The following RASGRF1 variants were observed in gnomAD, a reference collection of about 807,000 sequenced individuals.
RASGRF1 encodes the protein Ras protein specific guanine nucleotide releasing factor 1.
In RASGRF1, 40 loss-of-function variants were observed where a neutral mutation model predicts 138.7. The ratio of observed to expected loss-of-function variants is 0.29; its 90% CI spans 0.22 to 0.38. The LOEUF is 0.38. RASGRF1 is among the 10% of genes least tolerant of loss of function. RASGRF1 has a pLI of 1.00. For synonymous variants in RASGRF1, 614 were observed against 663.2 expected, an observed-to-expected ratio of 0.93 and a Z score of 1.14; for missense variants, 1,108 against 1,650.4, an observed-to-expected ratio of 0.67 and a Z score of 5.69.
At position 79,032,198 on chromosome 15, in the gene RASGRF1, C is replaced by G. The variant is rs753571943; in HGVS notation, c.1077G>C (p.Leu359=). The stretch of plus-strand genomic sequence containing the variant: ...CAGGCTTGGCCTCGTAGTGCTTCAG[C>G]AGCTTGTCGAAGTCACGGTTCTGCT... ...HCKQNRDFDK[L]LKHYEAKPDC... The change falls in exon 7 of 27, where the codon CTG becomes CTC. Residue 359 remains leucine, a synonymous_variant. Transcript: ENST00000558480. The surrounding 1 kb of genome is among the most constrained non-coding windows in gnomAD (Gnocchi z 4.5). The G allele has an allele frequency of 3.1e-6, 5 of 1,613,992 alleles. No individual in the cohort carries two copies. The East Asian group carries it at 6.7e-5, about 22-fold the overall frequency.
rs2056435755 is a variant in RASGRF1 at position 78,998,116 on chromosome 15, C to T, written c.2946G>A (p.Lys982=). The change falls in exon 19 of 27, where the codon AAG becomes AAA. Residue 982 remains lysine, a synonymous_variant. Transcript: ENST00000558480. The stretch of plus-strand genomic sequence containing the variant: ...TTTACCTGATGATGTTGGCTGCAGC[C>T]TTCCGCTCCTGGGTCAGGAGCTCCG... ...HDPELLTQER[K]AAANIIRTLT... The T allele has an allele frequency of 6.2e-7, 1 of 1,614,144 alleles. No individual in the cohort carries two copies.
chr15:79,059,250 TATC>T (rs2057556247), intron 2 of RASGRF1, among the ~76,000 whole-genome samples: 1 of 80,786 alleles, frequency 1.2e-5, no homozygotes, highest in African/African-American at 6.2e-5. Context: ...TTCCCTTCCC[TATC>T]CTTCCCTTCC....
intron 5 of RASGRF1, among the ~76,000 whole-genome samples, chr15:79,045,750 C>G (rs2057347685): frequency 1.3e-5 from 2 of 152,186 alleles, no homozygotes; most frequent in Admixed American, 6.5e-5. Context: ...ACAGTCCCCT[C>G]AAACTCAGCA....
At chr15:78,978,220 G>GTTTTTTTTTT (rs71148584) in intron 24 of RASGRF1, among the ~76,000 whole-genome samples, 8 of 125,116 alleles carry the variant, frequency 6.4e-5, no homozygotes, top group African/African-American at 3.2e-4. Flanking sequence ...CTTTTCTTTT[G>GTTTTTTTTTT]TTTTTTTTTT....
chr15:79,003,402 C>T (rs2056584079), intron 15 of RASGRF1, among the ~76,000 whole-genome samples: 1 of 152,218 alleles, frequency 6.6e-6, no homozygotes, highest in Non-Finnish European at 1.5e-5. Context: ...TCCCAGGGGG[C>T]AGGAGCTGCT....
intron 3 of RASGRF1, among the ~76,000 whole-genome samples, chr15:79,049,864 C>T (rs1401013915): frequency 6.6e-6 from 1 of 152,168 alleles, no homozygotes; most frequent in Non-Finnish European, 1.5e-5. Flanking sequence ...TTGGACGAAG[C>T]CCTTCTGCTC....
intron 26 of RASGRF1, among the ~76,000 whole-genome samples, chr15:78,966,786 A>G (rs2055653124): frequency 6.6e-6 from 1 of 152,136 alleles, no homozygotes; most frequent in Admixed American, 6.6e-5. Flanking sequence ...AGCAGCCATT[A>G]GCCACGTGTA....
intron 13 of RASGRF1, among the ~76,000 whole-genome samples, chr15:79,013,353 T>A (rs1206682734): frequency 6.6e-6 from 1 of 152,210 alleles, no homozygotes; most frequent in Non-Finnish European, 1.5e-5. Context: ...GAATAATTCC[T>A]TATCAACTTG....
chr15:79,012,197 C>T (rs146725314), intron 13 of RASGRF1, among the ~76,000 whole-genome samples: 130 of 152,096 alleles, frequency 8.5e-4, no homozygotes, highest in Middle Eastern at 3.4e-3. Flanking sequence ...CCCCAAACAC[C>T]GTGCACTTTT....
chr15:79,064,263 A>G (rs1212733431), intron 2 of RASGRF1, among the ~76,000 whole-genome samples, 157 bp downstream of exon 2: 4 of 152,194 alleles, frequency 2.6e-5, no homozygotes, highest in Non-Finnish European at 4.4e-5. Context: ...CCAGAGGTGC[A>G]GGATGTAAGG....
Position 78,999,911 on chromosome 15 carries a change from A to G in RASGRF1, c.2578T>C (p.Phe860Leu), listed in dbSNP as rs1185397207. The G allele has an allele frequency of 6.2e-7, 1 of 1,613,762 alleles. No homozygotes were observed. The highest frequency in any genetic ancestry group is 1.7e-4 in the Middle Eastern group (1 of 6,060). The change falls in exon 17 of 27, where the codon TTC (phenylalanine) becomes CTC (leucine). Residue 860 changes from phenylalanine (F) to leucine (L), a missense_variant and splice_region_variant. Around this residue, in one of 3 missense-constraint regions of RASGRF1, gnomAD observed 686 missense variants for 976.7 expected, o/e 0.70. Coordinates refer to ENST00000558480, the MANE Select transcript of RASGRF1 (RefSeq NM_001145648.3). ...CCATTGTTATAGGAAAAGAGTGGGA[A>G]CTCTGCAGAGAGGAGGGAACCAACC... ...KSVKNKNSSE[F>L]PLFSYNNGVV...
At chr15:79,037,387 C>T (rs950062549) in intron 5 of RASGRF1, among the ~76,000 whole-genome samples, 3 of 151,506 alleles carry the variant, frequency 2.0e-5, no homozygotes, top group Non-Finnish European at 2.9e-5. Flanking sequence ...GGGGGAGGTG[C>T]GGTGGGGAGA....
In RASGRF1 at chr15:78,973,194, C is replaced by T. The variant is rs1196593574; in HGVS notation, c.3612+109G>A. ...CTGGACCCAGGCTCCCAAATGGGGG[C>T]ACCCTATGCAGCAGGTTGGGCCTTG... On this transcript the variant is annotated intron_variant, in intron 25 of 26. Coordinates refer to ENST00000558480, the MANE Select transcript of RASGRF1 (RefSeq NM_001145648.3). The surrounding 1 kb of genome is among the most constrained non-coding windows in gnomAD (Gnocchi z 4.9). The T allele has an allele frequency of 8.4e-6, 7 of 828,580 alleles. No individual in the cohort carries two copies. The highest frequency in any genetic ancestry group is 1.1e-5 in the Non-Finnish European group (6 of 524,784). The allele number at this position is 828,580 out of a possible 1,614,324, so 51.3% of individuals were successfully genotyped here.
intron 1 of RASGRF1, among the ~76,000 whole-genome samples, chr15:79,084,734 G>C (rs527341839): frequency 1.9e-4 from 29 of 152,280 alleles, no homozygotes; most frequent in African/African-American, 6.0e-4. Flanking sequence ...GATTAAATGT[G>C]ATGAGATCAC....
intron 19 of RASGRF1, among the ~76,000 whole-genome samples, chr15:78,996,511 G>A (rs1317924495): frequency 6.6e-6 from 1 of 152,158 alleles, no homozygotes; most frequent in African/African-American, 2.4e-5. Context: ...TCTTACAGCT[G>A]AGGAAACGGC....
In RASGRF1 at chr15:79,064,400, C is replaced by T. The variant is rs62011246; in HGVS notation, c.383+20G>A. The T allele has an allele frequency of 0.11, 169,395 of 1,608,078 alleles. 9,825 individuals are homozygous for T. The highest frequency in any genetic ancestry group is 0.13 in the Admixed American group (7,918 of 59,984). Reference sequence around the variant, plus strand: ...TGGACTGTGGAGTAGGGGCTTCCTGCCCTGGGCAAGGAGACATACCTGGCA... The same window carrying T: ...TGGACTGTGGAGTAGGGGCTTCCTGTCCTGGGCAAGGAGACATACCTGGCA... On this transcript the variant is annotated intron_variant, in intron 2 of 26. Transcript: ENST00000558480.
intron 14 of RASGRF1, among the ~76,000 whole-genome samples, chr15:79,004,510 G>A (rs2141716384): frequency 6.6e-6 from 1 of 152,170 alleles, no homozygotes; most frequent in South Asian, 2.1e-4. Flanking sequence ...ATCCCACACA[G>A]GGCCTGCTCC....
In RASGRF1 at chr15:79,027,962, C is replaced by G; in HGVS notation, c.1263-103G>C. 1.7e-6 allele frequency: 2 copies of G among 1,161,514 alleles called. No homozygotes were observed. Among genetic ancestry groups the G allele is most frequent in the Non-Finnish European group, 2.5e-6 (2 of 789,376 alleles). 72.0% of individuals were successfully genotyped at this position (1,161,514 alleles called of 1,614,324 possible). A position where few individuals can be genotyped will look rare whatever the true frequency, so the allele number is the denominator to read the frequency against. On this transcript the variant is annotated intron_variant, in intron 8 of 26. Coordinates refer to ENST00000558480, the MANE Select transcript of RASGRF1 (RefSeq NM_001145648.3). This position sits in a 1 kb window ranked among gnomAD's most constrained non-coding sequence, Gnocchi z 4.8. ...CCAGACCTAGGAAGAAAGCCTGGCA[C>G]AAGGATTCTCAGGTGGAGTCTGTGG...
chr15:78,970,653 A>G (rs555145417), intron 26 of RASGRF1, among the ~76,000 whole-genome samples: 2 of 151,106 alleles, frequency 1.3e-5, no homozygotes, highest in East Asian at 3.9e-4. Context: ...AAAGAAAAAG[A>G]AAAAGAAAAG....
Sources: allele counts gnomAD v4.1 joint callset (sites outside exome capture counted in the v4.1 genomes callset), GRCh38; gene constraint gnomAD v4.1.1; regional missense constraint gnomAD v4.1.1; non-coding constraint Gnocchi (gnomAD v3.1); transcripts MANE v1.5; gene names NCBI Gene and HGNC (gene_info 2026-07-23, HGNC 2026-07-21).